USH2A: variants seen among roughly 807,000 people sequenced by gnomAD.
The protein encoded by USH2A is usherin.
Under a neutral mutation model 538.9 loss-of-function variants are expected in USH2A, and 443 were observed. The observed-to-expected ratio is 0.82, with a 90% CI of 0.76 to 0.89. The LOEUF is 0.89. USH2A is among the 40% of genes least tolerant of loss of function. The pLI is 0.00. For synonymous variants in USH2A, 2,413 were observed against 2,273.5 expected, an observed-to-expected ratio of 1.06 and a Z score of -1.75; for missense variants, 6,633 against 6,324.8, an observed-to-expected ratio of 1.05 and a Z score of -1.65.
chr1:215,818,868 T>G (rs993470153), intron 47 of USH2A, among the ~76,000 whole-genome samples: 4 of 151,830 alleles, frequency 2.6e-5, no homozygotes, highest in African/African-American at 9.7e-5. Flanking sequence ...GTTAAAGTTT[T>G]TAATAAAGCC....
At chr1:216,287,647 T>C (rs887690904) in intron 11 of USH2A, among the ~76,000 whole-genome samples, 1 of 152,144 alleles carries the variant, frequency 6.6e-6, no homozygotes, top group African/African-American at 2.4e-5. Context: ...AAATCAGGTT[T>C]CAATTTCTTG....
intron 71 of USH2A, among the ~76,000 whole-genome samples, chr1:215,626,250 CTA>C (rs1055784845): frequency 1.0e-4 from 15 of 149,016 alleles, no homozygotes; most frequent in Non-Finnish European, 1.9e-4. Flanking sequence ...TATATACACA[CTA>C]TATAGACACT....
At chr1:216,029,640 C>A (rs1669044637) in intron 32 of USH2A, among the ~76,000 whole-genome samples, 1 of 151,824 alleles carries the variant, frequency 6.6e-6, no homozygotes, top group Non-Finnish European at 1.5e-5. Flanking sequence ...AAACAGTGTA[C>A]AAACCAGGAT....
intron 20 of USH2A, among the ~76,000 whole-genome samples, chr1:216,187,494 C>T (rs1337635885): frequency 6.6e-6 from 1 of 151,924 alleles, no homozygotes; most frequent in Non-Finnish European, 1.5e-5. Context: ...TTCTGAATGA[C>T]ATACTTCTTA....
In USH2A at chr1:216,011,288, C is replaced by T. The variant is rs1668560687; in HGVS notation, c.6326-10726G>A. Reference sequence around the variant, plus strand: ...TACTATTCCTTTGCACCCGTCATCCCAGCCTCTCTTTGCTTTCACTTGGAC... The same window carrying T: ...TACTATTCCTTTGCACCCGTCATCCTAGCCTCTCTTTGCTTTCACTTGGAC... On this transcript the variant is annotated intron_variant, in intron 32 of 71. Coordinates refer to ENST00000307340, the MANE Select transcript of USH2A (RefSeq NM_206933.4). 3.3e-5 allele frequency among the ~76,000 whole-genome samples: 5 copies of T among 152,216 alleles called. No homozygotes were observed. In the South Asian group the frequency reaches 1.0e-3, roughly 32 times the overall value.
intron 39 of USH2A, 23 bp from the exon 40 acceptor site, chr1:215,900,240 T>C: frequency 6.2e-7 from 1 of 1,612,554 alleles, no homozygotes; most frequent in Non-Finnish European, 8.5e-7. Context: ...TAAATGTCAA[T>C]TAGGAAGTTT....
At position 216,418,739 on chromosome 1, in the gene USH2A, G is replaced by A. The variant is rs867624718; in HGVS notation, c.486-60C>T. On this transcript the variant is annotated intron_variant, in intron 2 of 71. Transcript: ENST00000307340. The stretch of plus-strand genomic sequence containing the variant: ...GCATCCAACCAAAAAGACATGCTAA[G>A]GTATTGTGCAGTTACAGTGGTGTTA... 2.5e-6 allele frequency: 4 copies of A among 1,591,236 alleles called. No individual in the cohort carries two copies. The Middle Eastern group carries it at 5.0e-4, about 198-fold the overall frequency.
At position 215,786,695 on chromosome 1, in the gene USH2A, C is replaced by A; in HGVS notation, c.10362G>T (p.Gly3454=). ...CSSAEETIHT[G]SVNTYSYTDV... ...CTGTGTAAGAGTACGTGTTTACACT[C>A]CCTGTATGAATGGTTTCTTCGGCAG... Residue 3454 remains glycine, a synonymous_variant, in exon 52 of 72, where the codon GGG becomes GGT. Transcript: ENST00000307340. 1 of 1,613,974 alleles carries A rather than the reference C, an allele frequency of 6.2e-7. No individual in the cohort carries two copies. The highest frequency in any genetic ancestry group is 8.5e-7 in the Non-Finnish European group (1 of 1,179,924).
In USH2A at chr1:215,625,454, C is replaced by A; in HGVS notation, c.*327G>T. On this transcript the variant is annotated 3_prime_UTR_variant, in exon 72 of 72. Coordinates refer to ENST00000307340, the MANE Select transcript of USH2A (RefSeq NM_206933.4). ...ACTACTTCTAACAACTGTGAGCCAT[C>A]TTGAAATTGCCACTGATTATTCAGT... 2.7e-6 allele frequency: 1 copy of A among 373,870 alleles called. No homozygotes were observed. The highest frequency in any genetic ancestry group is 5.0e-6 in the Non-Finnish European group (1 of 198,668). The allele number at this position is 373,870 out of a possible 1,614,324, so 23.2% of individuals were successfully genotyped here. A position where few individuals can be genotyped will look rare whatever the true frequency, so the allele number is the denominator to read the frequency against.
At chr1:216,416,593 G>T (rs114191889) in intron 3 of USH2A, among the ~76,000 whole-genome samples, 155 of 152,242 alleles carry the variant, frequency 1.0e-3, no homozygotes, top group African/African-American at 3.6e-3. Context: ...AAAGATTCAT[G>T]AAGAAATTTT....
At chr1:216,261,547 A>G (rs890221229) in intron 11 of USH2A, among the ~76,000 whole-genome samples, 2 of 152,044 alleles carry the variant, frequency 1.3e-5, no homozygotes, top group African/African-American at 4.8e-5. Flanking sequence ...TAATGAGATG[A>G]AAACAAATTT....
intron 32 of USH2A, among the ~76,000 whole-genome samples, chr1:216,025,663 G>A (rs1330800530): frequency 6.6e-6 from 1 of 152,004 alleles, no homozygotes; most frequent in Non-Finnish European, 1.5e-5. Context: ...GTTTGTTGGA[G>A]TTCAGTTTAC....
At chr1:215,701,786 G>T (rs554094441) in intron 61 of USH2A, among the ~76,000 whole-genome samples, 37 of 152,272 alleles carry the variant, frequency 2.4e-4, no homozygotes, top group African/African-American at 8.9e-4. Flanking sequence ...GCCAGTCTGT[G>T]TCTTTTATTG....
chr1:216,273,569 G>C (rs1170006659), intron 11 of USH2A, among the ~76,000 whole-genome samples: 1 of 152,054 alleles, frequency 6.6e-6, no homozygotes, highest in Non-Finnish European at 1.5e-5. Flanking sequence ...CTTCGTGAGT[G>C]TTTCTGTTAT....
chr1:216,361,789 T>A (rs1176746473), intron 4 of USH2A, among the ~76,000 whole-genome samples: 1 of 152,196 alleles, frequency 6.6e-6, no homozygotes, highest in East Asian at 1.9e-4. Context: ...TGGAAAACTT[T>A]ACAGAATTAT....
chr1:216,129,849 T>A (rs2033332442), intron 21 of USH2A, among the ~76,000 whole-genome samples: 1 of 151,932 alleles, frequency 6.6e-6, no homozygotes, highest in Non-Finnish European at 1.5e-5. Context: ...GGTACTGGCA[T>A]AAAAACAGAC....
intron 61 of USH2A, among the ~76,000 whole-genome samples, chr1:215,687,371 T>A (rs1003239989): frequency 1.4e-5 from 2 of 147,358 alleles, no homozygotes; most frequent in African/African-American, 5.0e-5. Context: ...GGGAGAAGGT[T>A]TTTTTTTTCC....
intron 64 of USH2A, among the ~76,000 whole-genome samples, chr1:215,669,221 T>C (rs1657732517): frequency 6.6e-6 from 1 of 152,180 alleles, no homozygotes; most frequent in Non-Finnish European, 1.5e-5. Context: ...TCCAGCTCTC[T>C]CACGAAGGTA....
In USH2A at chr1:215,770,941, CTA is replaced by C. The variant is rs1491588605; in HGVS notation, c.10940-4155_10940-4154del. Among the ~76,000 whole-genome samples, 154 of 63,674 alleles carry C rather than the reference CTA, an allele frequency of 2.4e-3. 1 individual carries two copies. Among genetic ancestry groups the C allele is most frequent in the African/African-American group, 0.012 (149 of 12,440 alleles). 41.8% of individuals were successfully genotyped at this position (63,674 alleles called of 152,430 possible). A position where few individuals can be genotyped will look rare whatever the true frequency, so the allele number is the denominator to read the frequency against. On this transcript the variant is annotated intron_variant, in intron 55 of 71. Transcript: ENST00000307340. Reference sequence around the variant, plus strand: ...CCAACATAGTGAAACCCCGTCTCTACTAAAAAAAAAAAAAAAAAAAAAAAAAC... The same window carrying C: ...CCAACATAGTGAAACCCCGTCTCTACAAAAAAAAAAAAAAAAAAAAAAAAC...
Sources: gnomAD v4.1 joint callset for allele counts (sites outside exome capture counted in the v4.1 genomes callset) on GRCh38, gnomAD v4.1.1 for gene constraint, MANE v1.5 for transcripts, NCBI Gene and HGNC (gene_info 2026-07-23, HGNC 2026-07-21) for gene names.